FSTL5: variants seen among roughly 807,000 people sequenced by gnomAD.
FSTL5 encodes the protein follistatin-related protein 5.
In FSTL5, 62 loss-of-function variants were observed where a neutral mutation model predicts 89.1. The observed-to-expected ratio is 0.70, with a 90% CI of 0.57 to 0.86. FSTL5 has a LOEUF of 0.86. FSTL5 is among the 40% of genes least tolerant of loss of function. The pLI is 0.00. For synonymous variants in FSTL5, 383 were observed against 346.2 expected, an observed-to-expected ratio of 1.11 and a Z score of -1.18; for missense variants, 1,057 against 1,001.6, an observed-to-expected ratio of 1.06 and a Z score of -0.75.
chr4:161,851,925 G>A (rs944278059), intron 4 of FSTL5, among the ~76,000 whole-genome samples: 2 of 141,630 alleles, frequency 1.4e-5, no homozygotes, highest in African/African-American at 5.3e-5. Flanking sequence ...ACACACACAA[G>A]TAAACACATT....
intron 6 of FSTL5, among the ~76,000 whole-genome samples, chr4:161,674,958 T>A (rs1403810170): frequency 6.6e-6 from 1 of 152,122 alleles, no homozygotes; most frequent in Admixed American, 6.6e-5. Flanking sequence ...GTCTTATGGA[T>A]CAGTATCTGA....
chr4:161,772,070 T>C (rs969920465), intron 5 of FSTL5, among the ~76,000 whole-genome samples: 4 of 152,152 alleles, frequency 2.6e-5, no homozygotes, highest in Admixed American at 2.0e-4. Context: ...CTGATTTTTT[T>C]ATGTCTTTTT....
intron 12 of FSTL5, among the ~76,000 whole-genome samples, chr4:161,484,138 C>T (rs2126458372): frequency 6.6e-6 from 1 of 152,244 alleles, no homozygotes; most frequent in East Asian, 1.9e-4. Flanking sequence ...ATCATATATA[C>T]ACTTGTCTTC....
chr4:161,572,559 T>G (rs914570572), intron 8 of FSTL5, among the ~76,000 whole-genome samples: 1 of 152,112 alleles, frequency 6.6e-6, no homozygotes, highest in Non-Finnish European at 1.5e-5. Flanking sequence ...GGTGGGAATC[T>G]TTTTCCCTCT....
intron 13 of FSTL5, among the ~76,000 whole-genome samples, chr4:161,478,804 T>C (rs1729394753): frequency 1.3e-5 from 2 of 152,026 alleles, no homozygotes; most frequent in South Asian, 2.1e-4. Flanking sequence ...AGTAGGTAAC[T>C]ACAAATACAG....
chr4:161,765,328 A>G (rs1013855258), intron 5 of FSTL5, among the ~76,000 whole-genome samples: 1 of 152,202 alleles, frequency 6.6e-6, no homozygotes, highest in Non-Finnish European at 1.5e-5. Context: ...TATCCATACA[A>G]GTGCTTATTT....
chr4:162,115,596 G>A (rs1291687929), intron 1 of FSTL5, among the ~76,000 whole-genome samples: 1 of 151,926 alleles, frequency 6.6e-6, no homozygotes, highest in East Asian at 1.9e-4. Flanking sequence ...ACTTTTCCTT[G>A]TAACCTCCAT....
At chr4:161,401,679 C>T (rs7697343) in intron 15 of FSTL5, among the ~76,000 whole-genome samples, 7,365 of 152,098 alleles carry the variant, frequency 0.048, 433 homozygotes, top group East Asian at 0.19. Context: ...AGACTGCCAC[C>T]ATGCCCGGCT....
intron 6 of FSTL5, among the ~76,000 whole-genome samples, chr4:161,687,556 G>T (rs903973537): frequency 6.6e-6 from 1 of 152,046 alleles, no homozygotes. Flanking sequence ...ATTCAACTAG[G>T]CAATTATTTC....
intron 2 of FSTL5, among the ~76,000 whole-genome samples, chr4:162,070,682 G>C (rs10020745): frequency 1.3e-5 from 2 of 151,700 alleles, no homozygotes; most frequent in Non-Finnish European, 2.9e-5. Flanking sequence ...TAAGGGAATC[G>C]CTGAAAGATT....
chr4:161,893,915 C>T (rs1440600), intron 4 of FSTL5, among the ~76,000 whole-genome samples: 144,661 of 152,218 alleles, frequency 0.95, 69,123 homozygotes, highest in Non-Finnish European at 1. Flanking sequence ...GACTGGCAGC[C>T]AAAACCAAAT....
chr4:161,708,509 C>T (rs1738665360), intron 6 of FSTL5, among the ~76,000 whole-genome samples: 1 of 151,928 alleles, frequency 6.6e-6, no homozygotes. Context: ...GAAAACAGTT[C>T]TATTTTTGGA....
chr4:161,783,981 G>C (rs948019243), intron 4 of FSTL5, among the ~76,000 whole-genome samples: 1 of 150,850 alleles, frequency 6.6e-6, no homozygotes, highest in Non-Finnish European at 1.5e-5. Flanking sequence ...TGTCGCCCAG[G>C]TTACAGTGCG....
At chr4:161,945,868 T>G (rs1734719700) in intron 3 of FSTL5, among the ~76,000 whole-genome samples, 1 of 152,130 alleles carries the variant, frequency 6.6e-6, no homozygotes, top group Admixed American at 6.6e-5. Flanking sequence ...CACTATACAT[T>G]TATATGTATA....
At chr4:161,499,483 C>A (rs534825558) in intron 12 of FSTL5, among the ~76,000 whole-genome samples, 1 of 152,110 alleles carries the variant, frequency 6.6e-6, no homozygotes, top group South Asian at 2.1e-4. Flanking sequence ...TAGTATATGA[C>A]AGCAACACTG....
intron 15 of FSTL5, 49 bp from the exon 16 acceptor site, chr4:161,386,498 G>A: frequency 1.5e-6 from 2 of 1,365,670 alleles, no homozygotes; most frequent in Non-Finnish European, 2.0e-6. Context: ...GGAGTTTTTA[G>A]CCGTAAGAAA....
intron 1 of FSTL5, among the ~76,000 whole-genome samples, chr4:162,153,646 ATT>A: frequency 7.9e-6 from 1 of 127,104 alleles, no homozygotes; most frequent in African/African-American, 2.9e-5. Context: ...ATATATGTAT[ATT>A]ATATATGTAT....
rs1052510157 is a variant in FSTL5 at position 161,878,309 on chromosome 4, C to T, written c.409+42095G>A. ...TCTCTTCTCTTTTCTACTTGGGTTG[C>T]GATTATGAGAATAATAATGAATATG... is the stretch of plus-strand genomic sequence containing the variant. On this transcript the variant is annotated intron_variant, in intron 4 of 15. Coordinates refer to ENST00000306100, the MANE Select transcript of FSTL5 (RefSeq NM_020116.5). Among the ~76,000 whole-genome samples, 3 of 151,916 alleles carry T rather than the reference C, an allele frequency of 2.0e-5. No homozygotes were observed. The East Asian group carries it at 5.8e-4, about 29-fold the overall frequency.
At chr4:162,075,171 T>C (rs934113483) in intron 2 of FSTL5, among the ~76,000 whole-genome samples, 8 of 151,904 alleles carry the variant, frequency 5.3e-5, no homozygotes, top group African/African-American at 1.9e-4. Flanking sequence ...CCCTAGGATG[T>C]GTCCCATCAA....
Sources: gnomAD v4.1 joint callset for allele counts (sites outside exome capture counted in the v4.1 genomes callset) on GRCh38, gnomAD v4.1.1 for gene constraint, MANE v1.5 for transcripts, NCBI Gene and HGNC (gene_info 2026-07-23, HGNC 2026-07-21) for gene names.